The following HDAC8 variants were observed in gnomAD, a reference collection of about 807,000 sequenced individuals.
HDAC8 encodes the protein histone deacetylase-like 1.
A neutral mutation model predicts 32.2 loss-of-function variants in HDAC8; 1 was observed. The ratio of observed to expected loss-of-function variants is 0.03; its 90% CI spans 0.01 to 0.15. The LOEUF (loss-of-function observed/expected upper bound fraction) is 0.15. HDAC8 is among the 10% of genes least tolerant of loss of function. The pLI is 1.00. For synonymous variants in HDAC8, 108 were observed against 113.9 expected (o/e 0.95, Z 0.33); for missense variants, 117 against 300.0 (o/e 0.39, Z 4.51).
At position 72,537,006 on chromosome X, in the gene HDAC8, C is replaced by T. The variant is rs1324886837; in HGVS notation, c.437+30883G>A. On this transcript the variant is annotated intron_variant, in intron 4 of 10. Transcript: ENST00000373573. ...GATAGATTTATCAACCTACGCCTCC[C>T]AGATTGGCCTCCCTTATGACTTAGA... 2.7e-5 allele frequency among the ~76,000 whole-genome samples: 3 copies of T among 111,889 alleles called. No homozygotes were observed. In the Admixed American group the frequency reaches 2.8e-4, roughly 11 times the overall value.
intron 4 of HDAC8, among the ~76,000 whole-genome samples, chrX:72,502,660 T>C (rs984134619): frequency 7.2e-5 from 8 of 111,259 alleles, no homozygotes; most frequent in Non-Finnish European, 1.5e-4. Flanking sequence ...TGGTGGCTCA[T>C]GCCTGTAATC....
At chrX:72,572,630 T>C in intron 1 of HDAC8, 21 bp downstream of exon 1, 1 of 354,961 alleles carries the variant, frequency 2.8e-6, no homozygotes, top group Non-Finnish European at 4.6e-6. Flanking sequence ...GCCCATGGTC[T>C]TTCATCCCGA....
chrX:72,406,922 T>C (rs1352172262), intron 9 of HDAC8, among the ~76,000 whole-genome samples: 3 of 112,215 alleles, frequency 2.7e-5, no homozygotes, highest in African/African-American at 9.7e-5. Context: ...ATAGTGTTGC[T>C]CTAGATCATC....
chrX:72,338,271 A>G (rs1201945872), intron 10 of HDAC8, among the ~76,000 whole-genome samples: 1 of 111,353 alleles, frequency 9.0e-6, no homozygotes, highest in Non-Finnish European at 1.9e-5. Context: ...CTCAGTACCT[A>G]TTCACTGAAG....
At chrX:72,451,087 T>A (rs2047557908) in intron 9 of HDAC8, among the ~76,000 whole-genome samples, 1 of 111,775 alleles carries the variant, frequency 8.9e-6, no homozygotes, top group South Asian at 3.7e-4. Context: ...ACCCAACCTG[T>A]ATATAAAAAT....
At chrX:72,352,148 T>C (rs2044200283) in intron 9 of HDAC8, among the ~76,000 whole-genome samples, 1 of 111,812 alleles carries the variant, frequency 8.9e-6, no homozygotes, top group Non-Finnish European at 1.9e-5. Context: ...CTAGACTGCT[T>C]GGTGCTCTTC....
chrX:72,379,646 C>T (rs782774883), intron 9 of HDAC8, among the ~76,000 whole-genome samples: 5 of 108,902 alleles, frequency 4.6e-5, no homozygotes, highest in Non-Finnish European at 9.5e-5. Context: ...TACAGGCATG[C>T]GCCATGACGC....
At position 72,474,400 on chromosome X, in the gene HDAC8, A is replaced by C. The variant is rs1015512761; in HGVS notation, c.738-9669T>G. 46 of 923,947 alleles carry C rather than the reference A, an allele frequency of 5.0e-5. No individual in the cohort carries two copies. The Admixed American group carries it at 8.6e-4, about 17-fold the overall frequency. 76.1% of individuals were successfully genotyped at this position (923,947 alleles called of 1,213,427 possible). Reference sequence around the variant, plus strand: ...TAAATAGTCATTAAATGAATACATGAATGAAATGTCACTCCAGATTGCTTT... The same window carrying C: ...TAAATAGTCATTAAATGAATACATGCATGAAATGTCACTCCAGATTGCTTT... On this transcript the variant is annotated intron_variant, in intron 7 of 10. Coordinates refer to ENST00000373573, the MANE Select transcript of HDAC8 (RefSeq NM_018486.3).
chrX:72,496,602 A>G (rs1160073307), intron 4 of HDAC8, among the ~76,000 whole-genome samples: 2 of 111,422 alleles, frequency 1.8e-5, no homozygotes, highest in East Asian at 2.8e-4. Context: ...TTAGCACATT[A>G]AAAAAAGAGA....
chrX:72,522,234 T>C (rs1009629940), intron 4 of HDAC8, among the ~76,000 whole-genome samples: 46 of 112,410 alleles, frequency 4.1e-4, no homozygotes, highest in African/African-American at 1.4e-3. Flanking sequence ...TCAAGAACTT[T>C]CACGTGCATG....
At chrX:72,561,673 G>A (rs1309385142) in intron 4 of HDAC8, among the ~76,000 whole-genome samples, 6 of 112,140 alleles carry the variant, frequency 5.4e-5, no homozygotes, top group Admixed American at 4.7e-4. Flanking sequence ...CAAAAATAAA[G>A]ATAAATAGAT....
At chrX:72,440,800 A>G (rs1255001105) in intron 9 of HDAC8, among the ~76,000 whole-genome samples, 1 of 112,219 alleles carries the variant, frequency 8.9e-6, no homozygotes. Flanking sequence ...GGTGACAGAC[A>G]GCACCTGGAA....
chrX:72,481,811 T>C (rs2048518119), intron 7 of HDAC8, among the ~76,000 whole-genome samples: 1 of 109,664 alleles, frequency 9.1e-6, no homozygotes, highest in Admixed American at 9.7e-5. Flanking sequence ...GGTTTTATTA[T>C]GTTGGCCAGG....
chrX:72,469,946 T>G (rs149337303), intron 7 of HDAC8, among the ~76,000 whole-genome samples: 1,358 of 110,168 alleles, frequency 0.012, 26 homozygotes, highest in African/African-American at 0.042. Context: ...GTCAGGAGTT[T>G]GAGACCAGCC....
At chrX:72,513,547 CA>C (rs2049666714) in intron 4 of HDAC8, among the ~76,000 whole-genome samples, 1 of 110,527 alleles carries the variant, frequency 9.0e-6, no homozygotes, top group Non-Finnish European at 1.9e-5. Context: ...AGGCTGGTCT[CA>C]AACTCCTGAT....
At chrX:72,463,474 A>T (rs1555992589) in intron 8 of HDAC8, among the ~76,000 whole-genome samples, 1 of 111,944 alleles carries the variant, frequency 8.9e-6, no homozygotes. Flanking sequence ...TCAGGTTCTA[A>T]CCTGATGTAT....
intron 7 of HDAC8, chrX:72,474,203 T>G: frequency 1.3e-6 from 1 of 750,912 alleles, no homozygotes; most frequent in Non-Finnish European, 1.6e-6. Context: ...ATTTTCTCTC[T>G]TTGAATACCC....
chrX:72,336,266 T>C (rs2043682400), intron 10 of HDAC8, among the ~76,000 whole-genome samples: 2 of 111,997 alleles, frequency 1.8e-5, no homozygotes, highest in Admixed American at 9.5e-5. Flanking sequence ...AATTCCTTAG[T>C]GACCATGATA....
intron 9 of HDAC8, among the ~76,000 whole-genome samples, chrX:72,355,385 T>A (rs1277954685): frequency 8.9e-6 from 1 of 111,903 alleles, no homozygotes; most frequent in Non-Finnish European, 1.9e-5. Flanking sequence ...TTGATCTCAC[T>A]GAAGGAAAGA....
Sources: gnomAD v4.1 joint callset for allele counts (sites outside exome capture counted in the v4.1 genomes callset) on GRCh38, gnomAD v4.1.1 for gene constraint, MANE v1.5 for transcripts, NCBI Gene and HGNC (gene_info 2026-07-23, HGNC 2026-07-21) for gene names.